Variants in ADAMTSL1 observed in about 807,000 individuals in gnomAD.
The protein encoded by ADAMTSL1 is ADAMTS-like protein 1.
ADAMTSL1 carries 126 observed loss-of-function variants against 201.8 expected under a neutral mutation model. The observed-to-expected ratio is 0.62, with a 90% CI of 0.54 to 0.72. The LOEUF (loss-of-function observed/expected upper bound fraction) is 0.72. ADAMTSL1 is among the 30% of genes least tolerant of loss of function. The pLI, the probability that ADAMTSL1 is intolerant of heterozygous loss-of-function variation, is 0.00. For synonymous variants in ADAMTSL1, 1,121 were observed against 903.4 expected (o/e 1.24, Z -4.32); for missense variants, 2,679 against 2,277.8 (o/e 1.18, Z -3.59).
chr9:17,914,387 G>A (rs200747796), intron 1 of ADAMTSL1, among the ~76,000 whole-genome samples: 2 of 152,074 alleles, frequency 1.3e-5, no homozygotes, highest in Non-Finnish European at 2.9e-5. Context: ...CAATAAATGT[G>A]ATCCAGCATA....
chr9:18,006,369 G>T lies in ADAMTSL1; in HGVS notation c.87+99447G>T, dbSNP rs1344294697. Among the ~76,000 whole-genome samples the T allele has an allele frequency of 2.6e-5, 4 of 152,058 alleles. No homozygotes were observed. The East Asian group carries it at 7.8e-4, about 30-fold the overall frequency. ...TTTTTAGTAATGACTATGTTAAACA[G>T]CTCACTAAGTTCCTGACAATTTCAC... On this transcript the variant is annotated intron_variant, in intron 1 of 29. Coordinates refer to the ADAMTSL1 transcript ENST00000680146.
intron 2 of ADAMTSL1, among the ~76,000 whole-genome samples, chr9:18,512,231 AG>A (rs572671540): frequency 6.6e-6 from 1 of 152,148 alleles, no homozygotes; most frequent in Admixed American, 6.5e-5. Flanking sequence ...CATATATCTT[AG>A]GGGGGTGTAT....
chr9:18,777,415 A>G lies in ADAMTSL1; in HGVS notation c.3186A>G (p.Gln1062=). ...TTSEEDPGAE[Q]VLLHLPFTMV... ...CGGAGGAGGACCCGGGTGCAGAGCA[A>G]GTGCTCCTGCACCTGCCCTTCACCA... Residue 1062 remains glutamine, a synonymous_variant, in exon 19 of 29, where the codon CAA becomes CAG. Transcript: ENST00000380548. 16 of 1,602,078 alleles carry G rather than the reference A, an allele frequency of 1.0e-5. No homozygotes were observed. Among genetic ancestry groups the G allele is most frequent in the Non-Finnish European group, 1.4e-5 (16 of 1,174,880 alleles).
intron 2 of ADAMTSL1, among the ~76,000 whole-genome samples, chr9:18,429,257 T>C (rs1012094955): frequency 1.3e-5 from 2 of 152,196 alleles, no homozygotes; most frequent in Admixed American, 1.3e-4. Context: ...AACCTCTTAG[T>C]CAATCTGAAT....
At chr9:18,892,183 T>C (rs942002473) in intron 25 of ADAMTSL1, among the ~76,000 whole-genome samples, 9 of 152,244 alleles carry the variant, frequency 5.9e-5, no homozygotes, top group African/African-American at 2.2e-4. Context: ...CCTTGCCACA[T>C]AGCATTCACA....
At chr9:18,767,676 T>G (rs1387979879) in intron 16 of ADAMTSL1, among the ~76,000 whole-genome samples, 3 of 152,198 alleles carry the variant, frequency 2.0e-5, no homozygotes, top group Non-Finnish European at 4.4e-5. Flanking sequence ...ATTGAGAACA[T>G]TCACAGGAGG....
chr9:18,290,206 A>G (rs1240874206), intron 2 of ADAMTSL1, among the ~76,000 whole-genome samples: 1 of 152,174 alleles, frequency 6.6e-6, no homozygotes, highest in African/African-American at 2.4e-5. Flanking sequence ...GTGCCTATAC[A>G]GCACTCATCA....
At chr9:18,159,191 T>C (rs1248759467) in intron 1 of ADAMTSL1, among the ~76,000 whole-genome samples, 3 of 152,052 alleles carry the variant, frequency 2.0e-5, no homozygotes, top group African/African-American at 7.2e-5. Flanking sequence ...TAATTCTCAG[T>C]AAACTATGAA....
chr9:18,212,265 T>C (rs990498063), intron 2 of ADAMTSL1, among the ~76,000 whole-genome samples: 4 of 152,150 alleles, frequency 2.6e-5, no homozygotes, highest in Non-Finnish European at 4.4e-5. Context: ...AAAGTCTCTG[T>C]GGTAGGAGGA....
chr9:17,918,114 G>A (rs1204747039), intron 1 of ADAMTSL1, among the ~76,000 whole-genome samples: 2 of 151,642 alleles, frequency 1.3e-5, no homozygotes, highest in Non-Finnish European at 3.0e-5. Flanking sequence ...GCAGCTTTTG[G>A]TTTAATGAAT....
intron 1 of ADAMTSL1, among the ~76,000 whole-genome samples, chr9:18,144,618 C>G (rs192483938): frequency 1.7e-4 from 26 of 152,238 alleles, no homozygotes; most frequent in Admixed American, 1.6e-3. Flanking sequence ...TCCTATTCCC[C>G]AGGTCTTCCC....
At chr9:18,058,110 T>C (rs1400540414) in intron 1 of ADAMTSL1, among the ~76,000 whole-genome samples, 1 of 152,168 alleles carries the variant, frequency 6.6e-6, no homozygotes, top group Non-Finnish European at 1.5e-5. Context: ...AGTGGATAGA[T>C]GGAAGAATGA....
intron 21 of ADAMTSL1, among the ~76,000 whole-genome samples, chr9:18,825,613 A>G (rs1824497823): frequency 6.6e-6 from 1 of 152,148 alleles, no homozygotes; most frequent in Non-Finnish European, 1.5e-5. Flanking sequence ...AGAAAAGTAC[A>G]TGTATCATAA....
At chr9:18,190,680 C>G (rs994647684) in intron 2 of ADAMTSL1, among the ~76,000 whole-genome samples, 12 of 152,248 alleles carry the variant, frequency 7.9e-5, no homozygotes, top group African/African-American at 2.6e-4. Flanking sequence ...TGAAATGTGA[C>G]TAAAAATTTG....
chr9:18,325,593 T>C (rs1487575338), intron 2 of ADAMTSL1, among the ~76,000 whole-genome samples: 2 of 152,186 alleles, frequency 1.3e-5, no homozygotes, highest in Non-Finnish European at 2.9e-5. Flanking sequence ...GAAATTTATT[T>C]CTCACAGTTC....
chr9:18,295,942 G>A (rs1833463227), intron 2 of ADAMTSL1, among the ~76,000 whole-genome samples: 2 of 152,168 alleles, frequency 1.3e-5, no homozygotes, highest in Admixed American at 6.5e-5. Context: ...GATATTAAGT[G>A]ATTAACCTTA....
chr9:18,649,629 C>G (rs1828071289), intron 7 of ADAMTSL1, among the ~76,000 whole-genome samples: 3 of 152,148 alleles, frequency 2.0e-5, no homozygotes, highest in African/African-American at 4.8e-5. Context: ...AGCTGCAGGT[C>G]TGTTGGAGTT....
intron 19 of ADAMTSL1, among the ~76,000 whole-genome samples, chr9:18,778,205 G>A (rs1361670798): frequency 6.6e-6 from 1 of 152,220 alleles, no homozygotes; most frequent in Non-Finnish European, 1.5e-5. Context: ...GGATAGCTTT[G>A]AACTTTTGGC....
intron 1 of ADAMTSL1, among the ~76,000 whole-genome samples, chr9:17,965,325 G>T (rs1228635655): frequency 6.6e-6 from 1 of 151,982 alleles, no homozygotes; most frequent in East Asian, 1.9e-4. Flanking sequence ...CCCAAATTTA[G>T]CACATTTTGT....
Sources: allele counts gnomAD v4.1 joint callset (sites outside exome capture counted in the v4.1 genomes callset), GRCh38; gene constraint gnomAD v4.1.1; transcripts MANE v1.5; gene names NCBI Gene and HGNC (gene_info 2026-07-23, HGNC 2026-07-21).